CACNA1B: variants seen among roughly 807,000 people sequenced by gnomAD.
CACNA1B encodes voltage-dependent N-type calcium channel subunit alpha-1B.
A neutral mutation model predicts 247.2 loss-of-function variants in CACNA1B; 70 were observed. The observed-to-expected ratio is 0.28, with a 90% confidence interval of 0.23 to 0.35. The LOEUF (loss-of-function observed/expected upper bound fraction) is 0.35, where lower values mean the gene tolerates loss of function less well. Among genes scored for constraint, CACNA1B ranks in the 10% least tolerant of loss-of-function variants. The pLI is 1.00. For missense variants in CACNA1B, 2,367 were observed against 3,197.4 expected, an observed-to-expected ratio of 0.74 and a Z score of 6.26; for synonymous variants, 1,231 against 1,294.4, an observed-to-expected ratio of 0.95 and a Z score of 1.05.
At chr9:138,096,314 G>T (rs1961053661) in intron 36 of CACNA1B, among the ~76,000 whole-genome samples, 170 bp from the exon 37 acceptor site, 2 of 152,058 alleles carry the variant, frequency 1.3e-5, no homozygotes, top group South Asian at 2.1e-4. Flanking sequence ...CCCCGTGAAG[G>T]CAGGAAGTCT....
At chr9:137,926,940 T>C (rs1383654877) in intron 6 of CACNA1B, among the ~76,000 whole-genome samples, 1 of 152,232 alleles carries the variant, frequency 6.6e-6, no homozygotes, top group Non-Finnish European at 1.5e-5. Context: ...AGTATAATCC[T>C]TTTCAGATAT....
intron 26 of CACNA1B, among the ~76,000 whole-genome samples, chr9:138,055,350 G>A (rs779908592): frequency 6.6e-6 from 1 of 151,992 alleles, no homozygotes; most frequent in Non-Finnish European, 1.5e-5. Context: ...AGCTGGTCTC[G>A]AGCTCCTGGG....
At chr9:138,001,509 A>AT (rs1958577476) in intron 15 of CACNA1B, among the ~76,000 whole-genome samples, 1 of 152,194 alleles carries the variant, frequency 6.6e-6, no homozygotes, top group African/African-American at 2.4e-5. Context: ...CATAGATAAT[A>AT]GTAAAAGATT....
Position 138,072,538 on chromosome 9 carries a change from T to C in CACNA1B, c.4675-950T>C, listed in dbSNP as rs540764782. Among the ~76,000 whole-genome samples, 42 of 152,382 alleles carry C rather than the reference T, an allele frequency of 2.8e-4. No individual in the cohort carries two copies. The highest frequency in any genetic ancestry group is 3.4e-3 in the Middle Eastern group (1 of 294). On this transcript the variant is annotated intron_variant, in intron 32 of 46. Coordinates refer to ENST00000371372, the MANE Select transcript of CACNA1B (RefSeq NM_000718.4). This position sits in a 1 kb window ranked among gnomAD's most constrained non-coding sequence, Gnocchi z 4.5. ...TGTCTCTGAGCCTGAGCTGCTTGCATATTTTAAAATGCTGCAGTGGCAGGA... is the reference window on the plus strand; with the variant it reads ...TGTCTCTGAGCCTGAGCTGCTTGCACATTTTAAAATGCTGCAGTGGCAGGA...
chr9:137,914,567 G>C lies in CACNA1B; in HGVS notation c.623-87G>C. 1 of 1,110,002 alleles carries C rather than the reference G, an allele frequency of 9.0e-7. No homozygotes were observed. Among genetic ancestry groups the C allele is most frequent in the Admixed American group, 2.0e-5 (1 of 50,024 alleles). The allele number at this position is 1,110,002 out of a possible 1,614,324, so 68.8% of individuals were successfully genotyped here. On this transcript the variant is annotated intron_variant, in intron 4 of 46. Transcript: ENST00000371372. The surrounding 1 kb of genome is among the most constrained non-coding windows in gnomAD (Gnocchi z 4.3). ...CTTAGCACCTTGCTGTCCCTGCTAG[G>C]TTCCTGCTGTTCTGTCCCTGCCCCC...
intron 31 of CACNA1B, among the ~76,000 whole-genome samples, chr9:138,060,515 G>A (rs898945430): frequency 3.3e-5 from 5 of 152,186 alleles, no homozygotes; most frequent in East Asian, 1.9e-4. Context: ...TGGCAGCAGC[G>A]TAGGTCGCAC....
intron 12 of CACNA1B, among the ~76,000 whole-genome samples, chr9:137,980,986 A>G (rs1046882833): frequency 1.6e-4 from 24 of 152,180 alleles, no homozygotes; most frequent in African/African-American, 5.8e-4. Flanking sequence ...TTTTTGGTAG[A>G]ACGAGTTATA....
chr9:137,890,542 T>G (rs1342755659), intron 3 of CACNA1B: 7 of 150,464 alleles, frequency 4.7e-5, no homozygotes, highest in African/African-American at 1.7e-4. Flanking sequence ...AGGGTGCGTG[T>G]TCTGCCAACG....
At chr9:137,945,722 A>C (rs1361422107) in intron 6 of CACNA1B, among the ~76,000 whole-genome samples, 1 of 152,258 alleles carries the variant, frequency 6.6e-6, no homozygotes, top group Admixed American at 6.5e-5. Flanking sequence ...TAAATTATAC[A>C]ACATTTCTTG....
At position 137,908,184 on chromosome 9, in the gene CACNA1B, A is replaced by G. The variant is rs112704527; in HGVS notation, c.531-4996A>G. On this transcript the variant is annotated intron_variant, in intron 3 of 46. Transcript: ENST00000371372. ...TGTGGATGTAAAGATGAGCTTGTTA[A>G]GTTCTACCAGGGTTCTGCTGAGGTC... Among the ~76,000 whole-genome samples the G allele has an allele frequency of 6.2e-4, 94 of 152,350 alleles. 2 individuals are homozygous for G. The highest frequency in any genetic ancestry group is 2.1e-3 in the African/African-American group (87 of 41,586).
intron 10 of CACNA1B, among the ~76,000 whole-genome samples, chr9:137,970,165 A>G (rs1276452187): frequency 2.6e-5 from 4 of 152,186 alleles, no homozygotes; most frequent in Non-Finnish European, 5.9e-5. Context: ...ACACACAGAA[A>G]GTACATGTAG....
chr9:138,058,335 C>T lies in CACNA1B; in HGVS notation c.4308+85C>T. 2 of 1,239,034 alleles carry T rather than the reference C, an allele frequency of 1.6e-6. No individual in the cohort carries two copies. Among genetic ancestry groups the T allele is most frequent in the Admixed American group, 3.4e-5 (2 of 58,698 alleles). The allele number at this position is 1,239,034 out of a possible 1,614,324, so 76.8% of individuals were successfully genotyped here. A position where few individuals can be genotyped will look rare whatever the true frequency, so the allele number is the denominator to read the frequency against. On this transcript the variant is annotated intron_variant, in intron 28 of 46. Coordinates refer to ENST00000371372, the MANE Select transcript of CACNA1B (RefSeq NM_000718.4). This position sits in a 1 kb window ranked among gnomAD's most constrained non-coding sequence, Gnocchi z 4.7. ...CCTCCTGCACACAAATCACTCACAG[C>T]TGGGTCAGCTTTGGCTGCCACCGTC...
chr9:138,016,943 G>A (rs1360077094), intron 18 of CACNA1B, among the ~76,000 whole-genome samples: 5 of 152,214 alleles, frequency 3.3e-5, no homozygotes, highest in Admixed American at 3.3e-4. Flanking sequence ...TTCTGCATGT[G>A]TGGAATTGGT....
At chr9:138,019,541 C>T (rs1958816366) in intron 18 of CACNA1B, among the ~76,000 whole-genome samples, 2 of 142,194 alleles carry the variant, frequency 1.4e-5, no homozygotes, top group Admixed American at 1.4e-4. Context: ...GCAGTTAGGC[C>T]ACCTGCCCTG....
At chr9:138,087,187 A>G (rs1204402978) in intron 36 of CACNA1B, among the ~76,000 whole-genome samples, 1 of 148,742 alleles carries the variant, frequency 6.7e-6, no homozygotes, top group Non-Finnish European at 1.5e-5. Flanking sequence ...GGAGTTCGAG[A>G]CCAGCCTGGC....
chr9:138,056,559 C>G (rs1441736032), intron 26 of CACNA1B, among the ~76,000 whole-genome samples: 1 of 152,122 alleles, frequency 6.6e-6, no homozygotes, highest in East Asian at 1.9e-4. Flanking sequence ...TTGTGTGGGT[C>G]TGTTTTTGCT....
chr9:138,121,439 T>A lies in CACNA1B; in HGVS notation c.6490-30T>A. Reference sequence around the variant, plus strand: ...CGGCTTTTTTTTTTTTTTTTTTACCTCTGATTTGTTCTGGTCCATTTTCAT... The same window carrying A: ...CGGCTTTTTTTTTTTTTTTTTTACCACTGATTTGTTCTGGTCCATTTTCAT... On this transcript the variant is annotated intron_variant, in intron 46 of 46. Transcript: ENST00000371372. This position sits in a 1 kb window ranked among gnomAD's most constrained non-coding sequence, Gnocchi z 6.8. 79 of 1,028,168 alleles carry A rather than the reference T, an allele frequency of 7.7e-5. No individual in the cohort carries two copies. Among genetic ancestry groups the A allele is most frequent in the Non-Finnish European group, 9.8e-5 (72 of 734,686 alleles). 63.7% of individuals were successfully genotyped at this position (1,028,168 alleles called of 1,614,324 possible).
chr9:137,980,968 C>G (rs112542821), intron 12 of CACNA1B, among the ~76,000 whole-genome samples: 1,630 of 152,256 alleles, frequency 0.011, 10 homozygotes, highest in African/African-American at 0.013. Flanking sequence ...TGAACAAATG[C>G]ATGTGTCTTT....
intron 20 of CACNA1B, among the ~76,000 whole-genome samples, chr9:138,027,434 T>C (rs1003001836): frequency 1.3e-5 from 2 of 152,224 alleles, no homozygotes; most frequent in African/African-American, 4.8e-5. Context: ...TCTGCAAATA[T>C]ACTTCTAACT....
Sources: gnomAD v4.1 joint callset for allele counts (sites outside exome capture counted in the v4.1 genomes callset) on GRCh38, gnomAD v4.1.1 for gene constraint, Gnocchi (gnomAD v3.1) non-coding constraint, MANE v1.5 for transcripts, NCBI Gene and HGNC (gene_info 2026-07-23, HGNC 2026-07-21) for gene names.